Variants in ZNF750 observed in about 807,000 individuals in gnomAD.
ZNF750 encodes protein ZNF750.
A neutral mutation model predicts 31.6 loss-of-function variants in ZNF750; 10 were observed. That is an observed-to-expected ratio of 0.32 (90% CI 0.19 to 0.54). ZNF750 has a LOEUF of 0.54. ZNF750 is among the 20% of genes least tolerant of loss of function. The probability of loss-of-function intolerance (pLI) is 0.95; values close to 1 mark genes in which losing one functional copy is unlikely to be tolerated. For missense variants in ZNF750, 914 were observed against 934.9 expected, an observed-to-expected ratio of 0.98 and a Z score of 0.29; for synonymous variants, 400 against 404.9, an observed-to-expected ratio of 0.99 and a Z score of 0.15.
Position 82,835,671 on chromosome 17 carries a change from C to T in ZNF750, c.-182-3035G>A, listed in dbSNP as rs961633568. On this transcript the variant is annotated intron_variant, in intron 1 of 2. Coordinates refer to ENST00000269394, the MANE Select transcript of ZNF750 (RefSeq NM_024702.3). This position sits in a 1 kb window ranked among gnomAD's most constrained non-coding sequence, Gnocchi z 4.5. ...AACTCCTGACCTCAGGCGATCTGCC[C>T]GCCTCAGCCTCCCAAAGTGCTGGGA... Among the ~76,000 whole-genome samples, 2 of 152,060 alleles carry T rather than the reference C, an allele frequency of 1.3e-5. No homozygotes were observed. The highest frequency in any genetic ancestry group is 2.4e-5 in the African/African-American group (1 of 41,402).
At chr17:82,838,837 G>A (rs932261975) in intron 1 of ZNF750, 50 of 985,312 alleles carry the variant, frequency 5.1e-5, no homozygotes, top group African/African-American at 1.4e-4. Context: ...ACCTGAGCTC[G>A]TAAACAAACG....
rs374434732 is a variant in ZNF750, at chr17:82,831,917, C to T, written c.538G>A (p.Glu180Lys). ...GTGGGGTTGTGTAAAGCCAGTGTCTCGGGCGCCTCGGCGTTGTCTGGCCCC... is the reference window on the plus strand; with the variant it reads ...GTGGGGTTGTGTAAAGCCAGTGTCTTGGGCGCCTCGGCGTTGTCTGGCCCC... ...LKGPDNAEAP[E>K]TLALHNPTAK... Residue 180 changes from glutamate to lysine, a missense_variant, in exon 2 of 3, where the codon GAG (glutamate) becomes AAG (lysine). Around this residue, in one of 2 missense-constraint regions of ZNF750, gnomAD observed 880 missense variants for 868.9 expected, o/e 1.01. Transcript: ENST00000269394. The surrounding 1 kb of genome is among the most constrained non-coding windows in gnomAD (Gnocchi z 4.6). 1.9e-5 allele frequency: 30 copies of T among 1,614,080 alleles called. No individual in the cohort carries two copies. Among genetic ancestry groups the T allele is most frequent in the Admixed American group, 3.3e-5 (2 of 60,004 alleles).
intron 1 of ZNF750, among the ~76,000 whole-genome samples, chr17:82,834,211 G>A (rs2053770668): frequency 1.3e-5 from 2 of 152,172 alleles, no homozygotes; most frequent in Admixed American, 1.3e-4. Flanking sequence ...GCCTCCCAAA[G>A]TGCTGGGATT....
At position 82,832,895 on chromosome 17, in the gene ZNF750, G is replaced by A. The variant is rs1202779684; in HGVS notation, c.-182-259C>T. On this transcript the variant is annotated intron_variant, in intron 1 of 2. Transcript: ENST00000269394. This position sits in a 1 kb window ranked among gnomAD's most constrained non-coding sequence, Gnocchi z 4.9. ...TCACCTCGGGGCCTAGAGGTGGAGT[G>A]TGGTGTGTGGTGCGTTGAGTGTCTG... Among the ~76,000 whole-genome samples the A allele has an allele frequency of 6.6e-6, 1 of 152,214 alleles. No individual in the cohort carries two copies. Among genetic ancestry groups the A allele is most frequent in the Non-Finnish European group, 1.5e-5 (1 of 68,028 alleles).
chr17:82,830,281 G>A lies in ZNF750; in HGVS notation c.2033C>T (p.Ala678Val), dbSNP rs1352234046. 1 of 1,614,214 alleles carries A rather than the reference G, an allele frequency of 6.2e-7. No homozygotes were observed. Among genetic ancestry groups the A allele is most frequent in the Non-Finnish European group, 8.5e-7 (1 of 1,180,050 alleles). Reference protein sequence around the residue: ...PTLSSMESQEAQCDLRPKGQK... With the variant: ...PTLSSMESQEVQCDLRPKGQK... ...TCCTTTGGGTCTGAGGTCACACTGG[G>A]CCTCTTGGCTCTCCATGGAGCTCAG... The change falls in exon 3 of 3, where the codon GCC (alanine) becomes GTC (valine). Residue 678 changes from alanine to valine, a missense_variant. Coordinates refer to ENST00000269394, the MANE Select transcript of ZNF750 (RefSeq NM_024702.3).
chr17:82,836,297 C>T (rs991437653), intron 1 of ZNF750, among the ~76,000 whole-genome samples: 1 of 152,202 alleles, frequency 6.6e-6, no homozygotes, highest in East Asian at 1.9e-4. Context: ...GTTCTGAAGG[C>T]GTGAGAACCT....
Position 82,832,510 on chromosome 17 carries a change from C to A in ZNF750, c.-56G>T, listed in dbSNP as rs1268439335. Reference sequence around the variant, plus strand: ...CCAGGTGGCGTGATCACTGTCGACGCCGCGTGCACTTCGTGGTTTCTAAAG... The same window carrying A: ...CCAGGTGGCGTGATCACTGTCGACGACGCGTGCACTTCGTGGTTTCTAAAG... On this transcript the variant is annotated 5_prime_UTR_variant, in exon 2 of 3. Coordinates refer to ENST00000269394, the MANE Select transcript of ZNF750 (RefSeq NM_024702.3). The surrounding 1 kb of genome is among the most constrained non-coding windows in gnomAD (Gnocchi z 4.9). 3 of 1,517,000 alleles carry A rather than the reference C, an allele frequency of 2.0e-6. No homozygotes were observed. The Admixed American group carries it at 5.0e-5, about 25-fold the overall frequency. 94.0% of individuals were successfully genotyped at this position (1,517,000 alleles called of 1,614,324 possible).
chr17:82,837,358 T>C (rs1488386231), intron 1 of ZNF750, among the ~76,000 whole-genome samples: 1 of 152,218 alleles, frequency 6.6e-6, no homozygotes, highest in African/African-American at 2.4e-5. Flanking sequence ...CTGCTGGTGT[T>C]AAATATTCCC....
chr17:82,831,740 T>C lies in ZNF750; in HGVS notation c.715A>G (p.Ile239Val). 1 of 1,613,932 alleles carries C rather than the reference T, an allele frequency of 6.2e-7. No homozygotes were observed. The highest frequency in any genetic ancestry group is 8.5e-7 in the Non-Finnish European group (1 of 1,179,978). Reference sequence around the variant, plus strand: ...TAAAAGTGAGGCGGGTACTCTGGGATTGTGGGGTGCATGTAAGGGGAAATG... The same window carrying C: ...TAAAAGTGAGGCGGGTACTCTGGGACTGTGGGGTGCATGTAAGGGGAAATG... ...GAISPYMHPT[I>V]PEYPPHFYTE... Residue 239 changes from isoleucine to valine, a missense_variant, in exon 2 of 3, where the codon ATC (isoleucine) becomes GTC (valine). This residue lies in a region of ZNF750 where 880 missense variants were observed against 868.9 expected (regional missense o/e 1.01). Transcript: ENST00000269394. This position sits in a 1 kb window ranked among gnomAD's most constrained non-coding sequence, Gnocchi z 4.6.
chr17:82,830,537 C>T lies in ZNF750; in HGVS notation c.1777G>A (p.Gly593Arg), dbSNP rs1181558064. The change falls in exon 3 of 3, where the codon GGG becomes AGG. Residue 593 changes from glycine (G) to arginine (R), a missense_variant. Gly to Arg is a moderately radical substitution (Grantham distance 125). Coordinates refer to ENST00000269394, the MANE Select transcript of ZNF750 (RefSeq NM_024702.3). ...GGCTTGGTCTCAGGGTGGCTGGGCC[C>T]ATCCTCAGAACCTTCTGTCCCAGTC... ...QKTGTEGSED[G>R]PSHPETKPGS... 3.1e-6 allele frequency: 5 copies of T among 1,614,002 alleles called. No homozygotes were observed. Among genetic ancestry groups the T allele is most frequent in the Non-Finnish European group, 4.2e-6 (5 of 1,180,038 alleles).
Position 82,831,420 on chromosome 17 carries a change from C to G in ZNF750, c.1035G>C (p.Gln345His). 1 of 1,614,138 alleles carries G rather than the reference C, an allele frequency of 6.2e-7. No individual in the cohort carries two copies. The highest frequency in any genetic ancestry group is 8.5e-7 in the Non-Finnish European group (1 of 1,180,018). ...TGGCTTCTTCAAGCAGGTGAGAGCT[C>G]TGATCTCGGGTGAGGCCAGTGACAG... ...LPPVTGLTRD[Q>H]SSHLLEEATL... is the part of the protein sequence containing the mutation. Residue 345 changes from glutamine (Q) to histidine (H), a missense_variant, in exon 2 of 3, where the codon CAG (glutamine) becomes CAC (histidine). Gln to His is a conservative substitution (Grantham distance 24, BLOSUM62 0). Coordinates refer to ENST00000269394, the MANE Select transcript of ZNF750 (RefSeq NM_024702.3). The surrounding 1 kb of genome is among the most constrained non-coding windows in gnomAD (Gnocchi z 4.6).
In ZNF750 at chr17:82,833,696, C is replaced by T. The variant is rs1370546168; in HGVS notation, c.-182-1060G>A. Among the ~76,000 whole-genome samples, 1 of 152,146 alleles carries T rather than the reference C, an allele frequency of 6.6e-6. No homozygotes were observed. Among genetic ancestry groups the T allele is most frequent in the Non-Finnish European group, 1.5e-5 (1 of 68,026 alleles). On this transcript the variant is annotated intron_variant, in intron 1 of 2. Transcript: ENST00000269394. The surrounding 1 kb of genome is among the most constrained non-coding windows in gnomAD (Gnocchi z 4.7). ...GCCACACTCCTGCCCGAGAGGAGAC[C>T]AGAGTGAGTAGTATCCGCTTTAGAG...
rs751236472 is a variant in ZNF750 at position 82,831,927 on chromosome 17, G to A, written c.528C>T (p.Ala176=). The A allele has an allele frequency of 3.7e-6, 6 of 1,614,070 alleles. No individual in the cohort carries two copies. Among genetic ancestry groups the A allele is most frequent in the African/African-American group, 2.7e-5 (2 of 74,942 alleles). ...GEHRLKGPDN[A]EAPETLALHN... ...GTAAAGCCAGTGTCTCGGGCGCCTC[G>A]GCGTTGTCTGGCCCCTTGAGTCTGT... The change falls in exon 2 of 3, where the codon GCC becomes GCT. Residue 176 remains alanine (A), a synonymous_variant. Coordinates refer to ENST00000269394, the MANE Select transcript of ZNF750 (RefSeq NM_024702.3). This position sits in a 1 kb window ranked among gnomAD's most constrained non-coding sequence, Gnocchi z 4.6.
At position 82,831,657 on chromosome 17, in the gene ZNF750, A is replaced by G. The variant is rs1472303749; in HGVS notation, c.798T>C (p.Pro266=). The change falls in exon 2 of 3, where the codon CCT becomes CCC. Residue 266 remains proline, a synonymous_variant. Coordinates refer to ENST00000269394, the MANE Select transcript of ZNF750 (RefSeq NM_024702.3). The surrounding 1 kb of genome is among the most constrained non-coding windows in gnomAD (Gnocchi z 4.6). ...YSPYLLAGSS[P]ECDAPLLSVY... ...CTGACAGCAGGGGTGCGTCACACTC[A>G]GGCGAGCTCCCAGCCAGCAGGTAAG... is the stretch of plus-strand genomic sequence containing the variant. The G allele has an allele frequency of 6.2e-7, 1 of 1,614,076 alleles. No homozygotes were observed. Among genetic ancestry groups the G allele is most frequent in the Non-Finnish European group, 8.5e-7 (1 of 1,180,042 alleles).
In ZNF750 at chr17:82,831,288, C is replaced by G. The variant is rs761985045; in HGVS notation, c.1167G>C (p.Lys389Asn). The stretch of plus-strand genomic sequence containing the variant: ...ACCCTTCCGTGTCTCTCTGCCCAGC[C>G]TTGGAGGAGTCTTTAGCCTCAGGAA... ...SPIPEAKDSS[K>N]AGQRDTEGSK... Residue 389 changes from lysine to asparagine, a missense_variant, in exon 2 of 3, where the codon AAG (lysine) becomes AAC (asparagine). Physicochemically the swap from Lys to Asn is moderately conservative, Grantham distance 94. Coordinates refer to ENST00000269394, the MANE Select transcript of ZNF750 (RefSeq NM_024702.3). The surrounding 1 kb of genome is among the most constrained non-coding windows in gnomAD (Gnocchi z 4.6). The G allele has an allele frequency of 6.2e-7, 1 of 1,613,810 alleles. No individual in the cohort carries two copies. The highest frequency in any genetic ancestry group is 1.7e-5 in the Admixed American group (1 of 60,010).
rs1337537265 is a variant in ZNF750 at position 82,831,101 on chromosome 17, G to A, written c.1354C>T (p.Leu452Phe). The change falls in exon 2 of 3, where the codon CTC becomes TTC. Residue 452 changes from leucine (L) to phenylalanine (F), a missense_variant. Leu to Phe is a conservative substitution (Grantham distance 22). Transcript: ENST00000269394. This position sits in a 1 kb window ranked among gnomAD's most constrained non-coding sequence, Gnocchi z 4.6. ...LGRLYPPEQS[L>F]TAFRPVKKST... Reference sequence around the variant, plus strand: ...TTCTTAACAGGCCTGAAGGCTGTGAGGCTTTGCTCTGGCGGGTAGAGTCTT... The same window carrying A: ...TTCTTAACAGGCCTGAAGGCTGTGAAGCTTTGCTCTGGCGGGTAGAGTCTT... 6.2e-7 allele frequency: 1 copy of A among 1,614,218 alleles called. No homozygotes were observed. Among genetic ancestry groups the A allele is most frequent in the African/African-American group, 1.3e-5 (1 of 75,054 alleles).
Position 82,830,472 on chromosome 17 carries a change from G to C in ZNF750, c.1842C>G (p.Pro614=), listed in dbSNP as rs376787014. The C allele has an allele frequency of 4.3e-6, 7 of 1,612,946 alleles. No homozygotes were observed. In the Middle Eastern group the frequency reaches 6.6e-4, roughly 152 times the overall value. ...LDGDGAPPTG[P]GEEAPDACAV... Reference sequence around the variant, plus strand: ...CGCATGCGTCTGGAGCCTCCTCGCCGGGGCCTGTGGGTGGGGCCCCGTCAC... The same window carrying C: ...CGCATGCGTCTGGAGCCTCCTCGCCCGGGCCTGTGGGTGGGGCCCCGTCAC... Residue 614 remains proline, a synonymous_variant, in exon 3 of 3, where the codon CCC becomes CCG. Transcript: ENST00000269394.
rs1224461042 is a variant in ZNF750, at chr17:82,832,103, G to A, written c.352C>T (p.Gln118Ter). Residue 118 changes from glutamine (Q) to a stop codon, truncating the protein, a stop_gained, in exon 2 of 3, where the codon CAA becomes TAA. Coordinates refer to ENST00000269394, the MANE Select transcript of ZNF750 (RefSeq NM_024702.3). LOFTEE classifies it high-confidence loss of function. The surrounding 1 kb of genome is among the most constrained non-coding windows in gnomAD (Gnocchi z 4.9). The stretch of plus-strand genomic sequence containing the variant: ...AGGCACCTGTGGGTTCCCCGGGCTT[G>A]CAGCTCCAGGTTTTCCTTGATGTCT... Reference protein sequence around the residue: ...REDIKENLELQARGTHRCLGQ... With the variant: ...REDIKENLEL 1 of 1,614,094 alleles carries A rather than the reference G, an allele frequency of 6.2e-7. No individual in the cohort carries two copies. The highest frequency in any genetic ancestry group is 8.5e-7 in the Non-Finnish European group (1 of 1,180,034).
At chr17:82,838,993 G>A (rs1264364154) in intron 1 of ZNF750, 1 of 984,668 alleles carries the variant, frequency 1.0e-6, no homozygotes, top group East Asian at 1.1e-4. Context: ...TCAAGTTTAT[G>A]AGAAATTTCA....
Sources: gnomAD v4.1 joint callset for allele counts (sites outside exome capture counted in the v4.1 genomes callset) on GRCh38, gnomAD v4.1.1 for gene constraint, gnomAD v4.1.1 regional missense constraint, Gnocchi (gnomAD v3.1) non-coding constraint, MANE v1.5 for transcripts, NCBI Gene and HGNC (gene_info 2026-07-23, HGNC 2026-07-21) for gene names.